Variants in ZFAT observed in about 807,000 individuals in gnomAD.
The protein encoded by ZFAT is zinc finger protein ZFAT.
Under a neutral mutation model 117.7 loss-of-function variants are expected in ZFAT, and 64 were observed. The observed-to-expected ratio is 0.54, with a 90% CI of 0.44 to 0.67. The LOEUF is 0.67. Among genes scored for constraint, ZFAT ranks in the 30% least tolerant of loss-of-function variants. The pLI, the probability that ZFAT is intolerant of heterozygous loss-of-function variation, is 0.00. For synonymous variants in ZFAT, 679 were observed against 615.0 expected (o/e 1.10, Z -1.54); for missense variants, 1,433 against 1,584.5 (o/e 0.90, Z 1.62).
At chr8:134,591,292 G>A (rs754900206) in intron 7 of ZFAT, among the ~76,000 whole-genome samples, 2 of 152,200 alleles carry the variant, frequency 1.3e-5, no homozygotes, top group Admixed American at 6.5e-5. Flanking sequence ...TAGAGTGTGC[G>A]GACGCCCACC....
chr8:134,779,979 A>G, the ZFAT span, among the ~76,000 whole-genome samples: 1 of 152,104 alleles, frequency 6.6e-6, no homozygotes, highest in African/African-American at 2.4e-5. Flanking sequence ...TTCTACCTCC[A>G]CTGTTTCTCC....
chr8:134,774,198 T>G, the ZFAT span, among the ~76,000 whole-genome samples: 2 of 152,026 alleles, frequency 1.3e-5, no homozygotes, highest in African/African-American at 4.8e-5. Context: ...GGTTTCACCA[T>G]GTTGGTAAGG....
At chr8:134,821,876 C>A in the ZFAT span, among the ~76,000 whole-genome samples, 1 of 152,050 alleles carries the variant, frequency 6.6e-6, no homozygotes, top group African/African-American at 2.4e-5. Context: ...GCCCAAACAG[C>A]ATTTCTTTTC....
chr8:134,641,960 A>G (rs16905209), intron 2 of ZFAT, among the ~76,000 whole-genome samples: 4,757 of 152,298 alleles, frequency 0.031, 269 homozygotes, highest in African/African-American at 0.11. Context: ...CACTATGAAA[A>G]AATAGCCCAA....
the ZFAT span, chr8:134,767,305 G>A: frequency 3.9e-5 from 6 of 152,056 alleles, no homozygotes; most frequent in Admixed American, 2.0e-4. Context: ...TACATATTTC[G>A]CCTTGTAGAT....
At chr8:134,667,072 G>A (rs1832262607) in intron 1 of ZFAT, among the ~76,000 whole-genome samples, 1 of 152,172 alleles carries the variant, frequency 6.6e-6, no homozygotes, top group Non-Finnish European at 1.5e-5. Context: ...CTCATAAGTG[G>A]GAGTTGAACA....
At chr8:134,813,561 G>A in the ZFAT span, among the ~76,000 whole-genome samples, 1 of 152,134 alleles carries the variant, frequency 6.6e-6, no homozygotes, top group East Asian at 1.9e-4. Flanking sequence ...TACAGGTGTG[G>A]GCCACCACGC....
intron 2 of ZFAT, among the ~76,000 whole-genome samples, chr8:134,638,547 T>TA (rs1830371290): frequency 9.5e-5 from 1 of 10,538 alleles, no homozygotes; most frequent in African/African-American, 5.3e-4. Context: ...CTACTAAAAA[T>TA]ACAAAAAAAA....
the ZFAT span, among the ~76,000 whole-genome samples, chr8:134,740,978 C>T: frequency 1.3e-5 from 2 of 152,092 alleles, no homozygotes; most frequent in South Asian, 2.1e-4. Context: ...GATGTGCGCC[C>T]TTTCTCCCTC....
chr8:134,764,908 C>T, the ZFAT span: 1 of 152,246 alleles, frequency 6.6e-6, no homozygotes, highest in Non-Finnish European at 1.5e-5. Context: ...CCCGCAGGCA[C>T]TGCTAGTAGG....
At chr8:134,670,772 T>C (rs1453261842) in intron 1 of ZFAT, among the ~76,000 whole-genome samples, 2 of 151,762 alleles carry the variant, frequency 1.3e-5, no homozygotes, top group East Asian at 3.9e-4. Context: ...CTGAAGGAGA[T>C]AGAAACACAA....
At chr8:134,721,054 G>A in the ZFAT span, among the ~76,000 whole-genome samples, 8 of 152,282 alleles carry the variant, frequency 5.3e-5, no homozygotes, top group Non-Finnish European at 1.0e-4. Flanking sequence ...CATCCATCCC[G>A]GCCTTTCTGC....
At chr8:134,648,910 A>G (rs1443062999) in intron 2 of ZFAT, among the ~76,000 whole-genome samples, 1 of 152,134 alleles carries the variant, frequency 6.6e-6, no homozygotes. Context: ...GCAGCACAGC[A>G]AAAGGATTAT....
At chr8:134,763,301 T>C in the ZFAT span, among the ~76,000 whole-genome samples, 1 of 152,312 alleles carries the variant, frequency 6.6e-6, no homozygotes, top group African/African-American at 2.4e-5. Context: ...TTACACTTAA[T>C]CCCTTTCACT....
chr8:134,704,097 A>T (rs1834085303), intron 1 of ZFAT, among the ~76,000 whole-genome samples: 1 of 152,094 alleles, frequency 6.6e-6, no homozygotes, highest in Non-Finnish European at 1.5e-5. Context: ...AGACAGCAGG[A>T]CCAGGACTTC....
At chr8:134,678,132 C>T (rs1248246609) in intron 1 of ZFAT, among the ~76,000 whole-genome samples, 5 of 152,054 alleles carry the variant, frequency 3.3e-5, no homozygotes, top group Non-Finnish European at 5.9e-5. Context: ...AAAGGGTATT[C>T]GATTAGGAAA....
At chr8:134,824,805 G>A in the ZFAT span, among the ~76,000 whole-genome samples, 1 of 152,136 alleles carries the variant, frequency 6.6e-6, no homozygotes, top group African/African-American at 2.4e-5. Context: ...TTTCACTCAA[G>A]TTAAAACTAT....
chr8:134,733,344 C>T, the ZFAT span, among the ~76,000 whole-genome samples: 18 of 152,270 alleles, frequency 1.2e-4, no homozygotes, highest in South Asian at 2.1e-4. Flanking sequence ...GGTGACCATC[C>T]GGCTTTTGGG....
chr8:134,639,965 T>C, intron 2 of ZFAT: 1 of 355,726 alleles, frequency 2.8e-6, no homozygotes, highest in Non-Finnish European at 5.5e-6. Flanking sequence ...CCTTTGCCCT[T>C]GGCTACAGGG....
Sources: gnomAD v4.1 joint callset for allele counts (sites outside exome capture counted in the v4.1 genomes callset) on GRCh38, gnomAD v4.1.1 for gene constraint, MANE v1.5 for transcripts, NCBI Gene and HGNC (gene_info 2026-07-23, HGNC 2026-07-21) for gene names.